The following ALOX5AP variants were observed in gnomAD, a reference collection of about 807,000 sequenced individuals.
ALOX5AP encodes the protein arachidonate 5-lipoxygenase-activating protein.
ALOX5AP carries 9 observed loss-of-function variants against 18.5 expected under a neutral mutation model. The ratio of observed to expected loss-of-function variants is 0.49; its 90% confidence interval spans 0.29 to 0.85. The LOEUF (loss-of-function observed/expected upper bound fraction) is 0.85. ALOX5AP is among the 40% of genes least tolerant of loss of function. ALOX5AP has a pLI of 0.08. For missense variants in ALOX5AP, 172 were observed against 202.5 expected (o/e 0.85, Z 0.91); for synonymous variants, 81 against 78.6 (o/e 1.03, Z -0.16).
At chr13:30,720,744 T>C (rs1204582726) in intron 1 of ALOX5AP, among the ~76,000 whole-genome samples, 1 of 152,246 alleles carries the variant, frequency 6.6e-6, no homozygotes, top group Non-Finnish European at 1.5e-5. Flanking sequence ...AACTTAACTT[T>C]TGAATATTTG....
intron 1 of ALOX5AP, among the ~76,000 whole-genome samples, chr13:30,728,607 T>C (rs1293123244): frequency 6.6e-6 from 1 of 152,212 alleles, no homozygotes; most frequent in African/African-American, 2.4e-5. Flanking sequence ...GTTTAGCTTT[T>C]AAGAAACTGC....
intron 3 of ALOX5AP, among the ~76,000 whole-genome samples, chr13:30,754,486 A>C (rs1951876285): frequency 6.6e-6 from 1 of 152,178 alleles, no homozygotes; most frequent in Non-Finnish European, 1.5e-5. Context: ...TGAGTGAAAT[A>C]ATATGTATAA....
At chr13:30,761,395 T>C (rs1055028437) in intron 4 of ALOX5AP, among the ~76,000 whole-genome samples, 1 of 152,238 alleles carries the variant, frequency 6.6e-6, no homozygotes, top group Non-Finnish European at 1.5e-5. Context: ...TCACTTTTTC[T>C]TGTTTCTGTA....
chr13:30,727,581 CG>C (rs977889763), intron 1 of ALOX5AP, among the ~76,000 whole-genome samples: 55 of 152,198 alleles, frequency 3.6e-4, no homozygotes, highest in African/African-American at 1.3e-3. Context: ...CTAAGCAGGT[CG>C]GGGAGGGCAT....
exon 1 of ALOX5AP, chr13:30,713,710 G>A (rs776714494): frequency 2.7e-6 from 4 of 1,496,680 alleles, no homozygotes; most frequent in South Asian, 2.4e-5. Context: ...GGCTCCAGAA[G>A]TCAACAGAAA....
At chr13:30,744,274 C>A in intron 2 of ALOX5AP, 115 bp downstream of exon 2, 1 of 902,258 alleles carries the variant, frequency 1.1e-6, no homozygotes, top group Non-Finnish European at 1.7e-6. Flanking sequence ...TTTCTGAGCG[C>A]CAGGGAGGTG....
intron 1 of ALOX5AP, among the ~76,000 whole-genome samples, chr13:30,718,277 G>T (rs978464762): frequency 6.6e-6 from 1 of 151,664 alleles, no homozygotes; most frequent in African/African-American, 2.4e-5. Context: ...CTGTTTTTGA[G>T]GCCTGCCTCT....
chr13:30,757,673 T>A (rs1490208305), intron 4 of ALOX5AP, among the ~76,000 whole-genome samples: 1 of 152,118 alleles, frequency 6.6e-6, no homozygotes, highest in African/African-American at 2.4e-5. Context: ...CCTCTCTTCA[T>A]CTGTCACCAC....
At chr13:30,749,993 A>G (rs1951839092) in intron 2 of ALOX5AP, among the ~76,000 whole-genome samples, 1 of 152,110 alleles carries the variant, frequency 6.6e-6, no homozygotes, top group African/African-American at 2.4e-5. Context: ...GTTTTTACCT[A>G]TATAATCACA....
upstream of ALOX5AP, among the ~76,000 whole-genome samples, chr13:30,733,884 C>A (rs906077223): frequency 1.3e-5 from 2 of 149,538 alleles, no homozygotes; most frequent in African/African-American, 2.5e-5. Context: ...TGCCCTCCAT[C>A]TTCTCCTGCC....
At position 30,720,423 on chromosome 13, in the gene ALOX5AP, A is replaced by C. The variant is rs116292835; in HGVS notation, c.116+6582A>C. Reference sequence around the variant, plus strand: ...GGGATATCTTTTAAATAGACTTAATACAACATTCAGGAATGATAACAAAAT... The same window carrying C: ...GGGATATCTTTTAAATAGACTTAATCCAACATTCAGGAATGATAACAAAAT... On this transcript the variant is annotated intron_variant, in intron 1 of 5. Coordinates refer to the ALOX5AP transcript ENST00000617770. Among the ~76,000 whole-genome samples the C allele has an allele frequency of 4.7e-4, 72 of 152,356 alleles. 1 individual carries two copies. The highest frequency in any genetic ancestry group is 1.6e-3 in the African/African-American group (68 of 41,584).
At chr13:30,736,921 C>T (rs1378473491) in intron 1 of ALOX5AP, among the ~76,000 whole-genome samples, 3 of 152,212 alleles carry the variant, frequency 2.0e-5, no homozygotes, top group African/African-American at 4.8e-5. Flanking sequence ...TTATTCAACC[C>T]GCATACATGT....
intron 4 of ALOX5AP, among the ~76,000 whole-genome samples, chr13:30,756,991 G>T (rs945403432): frequency 6.6e-6 from 1 of 152,144 alleles, no homozygotes; most frequent in African/African-American, 2.4e-5. Flanking sequence ...AATACTTACA[G>T]AAGAAATGTC....
intron 1 of ALOX5AP, among the ~76,000 whole-genome samples, chr13:30,742,929 A>G (rs993692622): frequency 8.4e-6 from 1 of 118,724 alleles, no homozygotes; most frequent in African/African-American, 3.3e-5. Flanking sequence ...GGCATCTCTG[A>G]CACCCCCACC....
rs1225621060 is a variant in ALOX5AP at position 30,735,599 on chromosome 13, A to G, written c.-7A>G. The G allele has an allele frequency of 2.5e-6, 4 of 1,614,176 alleles. No individual in the cohort carries two copies. The highest frequency in any genetic ancestry group is 1.7e-5 in the Admixed American group (1 of 60,018). On this transcript the variant is annotated 5_prime_UTR_variant, in exon 1 of 5. Coordinates refer to ENST00000380490, the MANE Select transcript of ALOX5AP (RefSeq NM_001629.4). ...GAGCAGTCCTCTCTGGGGAGCCTGA[A>G]GCAAACATGGATCAAGAAACTGTAG...
At chr13:30,713,612 C>T in exon 1 of ALOX5AP, 1 of 752,986 alleles carries the variant, frequency 1.3e-6, no homozygotes, top group Non-Finnish European at 2.2e-6. Flanking sequence ...CTCACACCTC[C>T]TCTCATCTCC....
intron 1 of ALOX5AP, among the ~76,000 whole-genome samples, chr13:30,724,781 C>A (rs1223714545): frequency 1.1e-4 from 17 of 152,294 alleles, no homozygotes. Context: ...GTTGGGTGCA[C>A]ACAGCAGTGT....
chr13:30,717,133 T>C (rs564565332), intron 1 of ALOX5AP, among the ~76,000 whole-genome samples: 1 of 152,314 alleles, frequency 6.6e-6, no homozygotes, highest in South Asian at 2.1e-4. Context: ...CATGACCCAA[T>C]GTCCCCGGGC....
At chr13:30,719,823 T>C (rs1401784471) in intron 1 of ALOX5AP, among the ~76,000 whole-genome samples, 1 of 152,162 alleles carries the variant, frequency 6.6e-6, no homozygotes, top group East Asian at 1.9e-4. Context: ...AGTAGGACTG[T>C]AGTTCAAATG....
Sources: gnomAD v4.1 joint callset for allele counts (sites outside exome capture counted in the v4.1 genomes callset) on GRCh38, gnomAD v4.1.1 for gene constraint, MANE v1.5 for transcripts, NCBI Gene and HGNC (gene_info 2026-07-23, HGNC 2026-07-21) for gene names.